MYO10: variants seen among roughly 807,000 people sequenced by gnomAD.
The protein encoded by MYO10 is myosin X.
Under a neutral mutation model 257.3 loss-of-function variants are expected in MYO10, and 133 were observed. The observed-to-expected ratio is 0.52, with a 90% CI of 0.45 to 0.60. The LOEUF is 0.60. Ranked by LOEUF, MYO10 falls within the 20% of genes least tolerant of loss-of-function variation. The probability of loss-of-function intolerance (pLI) is 0.00; values close to 1 mark genes in which losing one functional copy is unlikely to be tolerated. For missense variants in MYO10, 2,399 were observed against 2,635.7 expected (o/e 0.91, Z 1.97); for synonymous variants, 1,104 against 1,028.6 (o/e 1.07, Z -1.40).
chr5:16,864,830 C>T (rs1163923465), intron 2 of MYO10, among the ~76,000 whole-genome samples: 1 of 152,128 alleles, frequency 6.6e-6, no homozygotes, highest in African/African-American at 2.4e-5. Flanking sequence ...GAGTCAGAAC[C>T]ACGTGGCTTC....
chr5:16,845,012 A>AT (rs1743592042), intron 2 of MYO10, among the ~76,000 whole-genome samples: 1 of 152,052 alleles, frequency 6.6e-6, no homozygotes, highest in African/African-American at 2.4e-5. Flanking sequence ...ACTGATCTAT[A>AT]TTATCTTACC....
chr5:16,675,298 C>T (rs1736674782), intron 34 of MYO10, 148 bp from the exon 35 acceptor site: 2 of 786,842 alleles, frequency 2.5e-6, no homozygotes, highest in East Asian at 5.4e-5. Context: ...ATCAGTTGAA[C>T]ACAGATCTAA....
chr5:16,719,268 G>A (rs971261721), intron 19 of MYO10, among the ~76,000 whole-genome samples: 11 of 152,076 alleles, frequency 7.2e-5, no homozygotes, highest in Admixed American at 5.2e-4. Flanking sequence ...AACACTCACC[G>A]CGAGGGTCCG....
At chr5:16,693,620 C>T (rs1309817040) in intron 27 of MYO10, among the ~76,000 whole-genome samples, 6 of 152,204 alleles carry the variant, frequency 3.9e-5, no homozygotes, top group Non-Finnish European at 5.9e-5. Context: ...AATTTGATCC[C>T]TCAAAGATTA....
At chr5:16,884,714 C>CT (rs35899996) in intron 1 of MYO10, among the ~76,000 whole-genome samples, 57,393 of 148,962 alleles carry the variant, frequency 0.39, 12,533 homozygotes, top group Admixed American at 0.5. Context: ...TTACCAGATG[C>CT]TTTTTTTTTC....
At chr5:16,679,491 A>G (rs1387580027) in intron 33 of MYO10, among the ~76,000 whole-genome samples, 1 of 151,064 alleles carries the variant, frequency 6.6e-6, no homozygotes, top group African/African-American at 2.5e-5. Flanking sequence ...GGGTACTCAA[A>G]CACAAATTTA....
chr5:16,738,427 A>G, intron 19 of MYO10: 1 of 984,668 alleles, frequency 1.0e-6, no homozygotes, highest in Non-Finnish European at 1.2e-6. Context: ...AAATAGTCAC[A>G]GACTCTTTTT....
chr5:16,800,812 G>T (rs902336731), intron 3 of MYO10, among the ~76,000 whole-genome samples: 2 of 152,134 alleles, frequency 1.3e-5, no homozygotes, highest in Non-Finnish European at 2.9e-5. Context: ...ACTATGTCAG[G>T]GGGTATTGAA....
chr5:16,693,623 A>G (rs1737607113), intron 27 of MYO10, among the ~76,000 whole-genome samples: 2 of 152,192 alleles, frequency 1.3e-5, no homozygotes, highest in South Asian at 2.1e-4. Flanking sequence ...TTGATCCCTC[A>G]AAGATTATTT....
chr5:16,680,578 G>A (rs1165578707), intron 32 of MYO10, among the ~76,000 whole-genome samples: 4 of 152,096 alleles, frequency 2.6e-5, no homozygotes, highest in South Asian at 2.1e-4. Flanking sequence ...CAAACCTGAC[G>A]CGAATGGAAC....
intron 2 of MYO10, among the ~76,000 whole-genome samples, chr5:16,861,605 G>GT (rs1744111618): frequency 1.3e-5 from 2 of 152,058 alleles, no homozygotes; most frequent in African/African-American, 4.8e-5. Flanking sequence ...CAAAGTAGGG[G>GT]TAAGTGAGAA....
At chr5:16,835,502 T>TG (rs71934500) in intron 2 of MYO10, among the ~76,000 whole-genome samples, 10,902 of 144,270 alleles carry the variant, frequency 0.076, 967 homozygotes, top group African/African-American at 0.2. Context: ...GTTTTTTTTT[T>TG]TTTTTTTTTT....
chr5:16,921,328 C>G (rs187289209), intron 1 of MYO10, among the ~76,000 whole-genome samples: 2 of 152,002 alleles, frequency 1.3e-5, no homozygotes, highest in Non-Finnish European at 2.9e-5. Context: ...TTCTCTAACA[C>G]TCTAGGGAAA....
At chr5:16,885,216 C>A (rs966789342) in intron 1 of MYO10, among the ~76,000 whole-genome samples, 11 of 151,048 alleles carry the variant, frequency 7.3e-5, no homozygotes, top group African/African-American at 2.4e-4. Context: ...TAAGGGAGAG[C>A]CGACTTTTAA....
intron 2 of MYO10, among the ~76,000 whole-genome samples, chr5:16,867,674 C>T (rs1033916154): frequency 3.9e-5 from 6 of 152,112 alleles, no homozygotes; most frequent in African/African-American, 7.2e-5. Flanking sequence ...GTGGGAGCTG[C>T]GATTGCTTTA....
intron 26 of MYO10, among the ~76,000 whole-genome samples, chr5:16,697,146 C>A (rs1404702451): frequency 6.6e-6 from 1 of 152,088 alleles, no homozygotes; most frequent in East Asian, 1.9e-4. Context: ...CTAAACCAAA[C>A]CTTCTAGGGG....
rs772673675 is a variant in MYO10, at chr5:16,919,923, C to T, written c.21+15865G>A. Among the ~76,000 whole-genome samples, 8 of 152,214 alleles carry T rather than the reference C, an allele frequency of 5.3e-5. No homozygotes were observed. In the South Asian group the frequency reaches 6.2e-4, roughly 12 times the overall value. On this transcript the variant is annotated intron_variant, in intron 1 of 40. Transcript: ENST00000513610. ...GTCAAGAGATCAAGACCATCCTGGC[C>T]AACATGGTGAAACCCCGTCTCTACT... is the stretch of plus-strand genomic sequence containing the variant.
At chr5:16,834,946 C>T (rs1409976571) in intron 2 of MYO10, among the ~76,000 whole-genome samples, 1 of 152,166 alleles carries the variant, frequency 6.6e-6, no homozygotes, top group African/African-American at 2.4e-5. Context: ...GAGGCCGAGG[C>T]AGGCGGATCA....
chr5:16,889,561 A>G (rs1374594421), intron 1 of MYO10, among the ~76,000 whole-genome samples: 2 of 151,950 alleles, frequency 1.3e-5, no homozygotes, highest in East Asian at 3.9e-4. Flanking sequence ...GAAAGGAAGG[A>G]AAGAAAGAAA....
Sources: gnomAD v4.1 joint callset for allele counts (sites outside exome capture counted in the v4.1 genomes callset) on GRCh38, gnomAD v4.1.1 for gene constraint, MANE v1.5 for transcripts, NCBI Gene and HGNC (gene_info 2026-07-23, HGNC 2026-07-21) for gene names.